ARHGAP42: variants seen among roughly 807,000 people sequenced by gnomAD.
The protein encoded by ARHGAP42 is Rho GTPase activating protein 42, also known as rho GTPase-activating protein 42.
ARHGAP42 carries 63 observed loss-of-function variants against 125.0 expected under a neutral mutation model. That is an observed-to-expected ratio of 0.50 (90% CI 0.41 to 0.62). The LOEUF is 0.62. ARHGAP42 is among the 20% of genes least tolerant of loss of function. The pLI is 0.00. For missense variants in ARHGAP42, 766 were observed against 1,024.2 expected (o/e 0.75, Z 3.44); for synonymous variants, 339 against 351.0 (o/e 0.97, Z 0.38).
In ARHGAP42 at chr11:100,912,332, C is replaced by A. The variant is rs558022333; in HGVS notation, c.385-1120C>A. On this transcript the variant is annotated intron_variant, in intron 4 of 23. Coordinates refer to ENST00000298815, the MANE Select transcript of ARHGAP42 (RefSeq NM_152432.4). The stretch of plus-strand genomic sequence containing the variant: ...TATTCATTGATTATTTTTAAGTAAC[C>A]TTTTCTAGGTATTTATGCAAGTAAT... Among the ~76,000 whole-genome samples the A allele has an allele frequency of 2.6e-5, 4 of 152,106 alleles. No individual in the cohort carries two copies. The East Asian group carries it at 7.7e-4, about 29-fold the overall frequency.
chr11:100,832,724 A>C (rs2135096632), intron 3 of ARHGAP42, among the ~76,000 whole-genome samples: 1 of 152,224 alleles, frequency 6.6e-6, no homozygotes, highest in Non-Finnish European at 1.5e-5. Flanking sequence ...TCTCCCTCCT[A>C]AGTTACTGCT....
intron 4 of ARHGAP42, among the ~76,000 whole-genome samples, chr11:100,906,611 G>A (rs1854576603): frequency 6.6e-6 from 1 of 151,770 alleles, no homozygotes; most frequent in Non-Finnish European, 1.5e-5. Context: ...AAATATTCCT[G>A]AAATTTTTTT....
chr11:100,980,342 A>G (rs1858499988), intron 22 of ARHGAP42, among the ~76,000 whole-genome samples: 2 of 152,138 alleles, frequency 1.3e-5, no homozygotes, highest in South Asian at 4.1e-4. Flanking sequence ...TTCTTCTGCC[A>G]TGCTACGTAG....
intron 6 of ARHGAP42, among the ~76,000 whole-genome samples, chr11:100,932,374 CTG>C (rs1218450193): frequency 1.3e-5 from 2 of 152,118 alleles, no homozygotes; most frequent in Non-Finnish European, 2.9e-5. Context: ...GGAGACAAGT[CTG>C]TGAAATAAAA....
chr11:100,921,569 G>A lies in ARHGAP42; in HGVS notation c.562G>A (p.Val188Ile). The A allele has an allele frequency of 6.5e-7, 1 of 1,541,656 alleles. No individual in the cohort carries two copies. Among genetic ancestry groups the A allele is most frequent in the Non-Finnish European group, 8.8e-7 (1 of 1,142,532 alleles). The part of the protein sequence containing the change: ...SLEYVFKIQE[V>I]QEKKKFEFVE... ...AGAATATGTCTTTAAAATTCAAGAG[G>A]TCCAAGAAAAAAAGAAGTTTGAATT... The change falls in exon 6 of 24, where the codon GTC (valine) becomes ATC (isoleucine). Residue 188 changes from valine (V) to isoleucine (I), a missense_variant. Physicochemically the swap from Val to Ile is conservative, Grantham distance 29 (BLOSUM62 3). Coordinates refer to ENST00000298815, the MANE Select transcript of ARHGAP42 (RefSeq NM_152432.4).
At chr11:100,782,156 G>A (rs1863330607) in intron 2 of ARHGAP42, among the ~76,000 whole-genome samples, 1 of 152,102 alleles carries the variant, frequency 6.6e-6, no homozygotes, top group African/African-American at 2.4e-5. Flanking sequence ...TATTATAGAA[G>A]ACTTTGCTAT....
intron 1 of ARHGAP42, among the ~76,000 whole-genome samples, chr11:100,748,724 G>C (rs1370365167): frequency 6.6e-6 from 1 of 152,220 alleles, no homozygotes; most frequent in Admixed American, 6.5e-5. Flanking sequence ...ACTGGGTTAA[G>C]GATTTTTGAT....
chr11:100,904,999 G>A (rs1050329614), intron 4 of ARHGAP42, among the ~76,000 whole-genome samples: 2 of 152,156 alleles, frequency 1.3e-5, no homozygotes, highest in Non-Finnish European at 2.9e-5. Flanking sequence ...TCAAGTTAAT[G>A]AATGAATTAA....
At chr11:100,908,548 A>G (rs932106616) in intron 4 of ARHGAP42, among the ~76,000 whole-genome samples, 1 of 152,154 alleles carries the variant, frequency 6.6e-6, no homozygotes, top group African/African-American at 2.4e-5. Flanking sequence ...AGTTCCATCT[A>G]TGTTGCTGTA....
rs763302463 is a variant in ARHGAP42, at chr11:100,980,559, CTTTTTTTTTTTTT to C, written c.2456+1528_2456+1540del. On this transcript the variant is annotated intron_variant, in intron 22 of 23. Transcript: ENST00000298815. Reference sequence around the variant, plus strand: ...TCAAATCATACTTCTTTTTCTTCTTCTTTTTTTTTTTTTTTTTTTTTTTTTTTTTTGAGAAAGA... The same window carrying C: ...TCAAATCATACTTCTTTTTCTTCTTCTTTTTTTTTTTTTTTTTGAGAAAGA... Among the ~76,000 whole-genome samples the C allele has an allele frequency of 5.6e-4, 29 of 51,954 alleles. 1 individual carries two copies. Among genetic ancestry groups the C allele is most frequent in the South Asian group, 4.4e-3 (4 of 904 alleles). 34.1% of individuals were successfully genotyped at this position (51,954 alleles called of 152,430 possible).
intron 4 of ARHGAP42, among the ~76,000 whole-genome samples, chr11:100,895,422 A>G (rs1163819504): frequency 2.0e-5 from 3 of 151,784 alleles, no homozygotes; most frequent in African/African-American, 7.3e-5. Context: ...CTGATTATGG[A>G]AATTGGGCCT....
At chr11:100,809,684 CTG>C (rs1864089801) in intron 3 of ARHGAP42, among the ~76,000 whole-genome samples, 2 of 152,128 alleles carry the variant, frequency 1.3e-5, no homozygotes, top group South Asian at 4.1e-4. Flanking sequence ...GCTGGGTGTG[CTG>C]TGTTACTCCT....
At chr11:100,715,614 T>C (rs1861647087) in intron 1 of ARHGAP42, among the ~76,000 whole-genome samples, 1 of 152,206 alleles carries the variant, frequency 6.6e-6, no homozygotes, top group African/African-American at 2.4e-5. Flanking sequence ...ACTGAGCTTG[T>C]GTAAAAACCT....
At chr11:100,825,349 A>G (rs1864489243) in intron 3 of ARHGAP42, among the ~76,000 whole-genome samples, 1 of 152,222 alleles carries the variant, frequency 6.6e-6, no homozygotes, top group Admixed American at 6.5e-5. Flanking sequence ...ATTTAATAAT[A>G]TAAACAGTTC....
chr11:100,987,664 G>C, intron 23 of ARHGAP42, 72 bp downstream of exon 23: 1 of 1,384,302 alleles, frequency 7.2e-7, no homozygotes, highest in Admixed American at 2.0e-5. Flanking sequence ...GGTGGTATGA[G>C]TCTAAAGTAG....
In ARHGAP42 at chr11:100,973,160, G is replaced by T. The variant is rs1364438652; in HGVS notation, c.1551-15G>T. 1.3e-6 allele frequency: 2 copies of T among 1,493,020 alleles called. No homozygotes were observed. Among genetic ancestry groups the T allele is most frequent in the Non-Finnish European group, 1.8e-6 (2 of 1,118,550 alleles). 92.5% of individuals were successfully genotyped at this position (1,493,020 alleles called of 1,614,324 possible). A position where few individuals can be genotyped will look rare whatever the true frequency, so the allele number is the denominator to read the frequency against. On this transcript the variant is annotated splice_polypyrimidine_tract_variant and intron_variant, in intron 17 of 23. Coordinates refer to ENST00000298815, the MANE Select transcript of ARHGAP42 (RefSeq NM_152432.4). ...ACATATAACTTAAGATATTTTTGTTGCTTTTTATTTGCAGAGTATCACTAC... is the reference window on the plus strand; with the variant it reads ...ACATATAACTTAAGATATTTTTGTTTCTTTTTATTTGCAGAGTATCACTAC...
At chr11:100,740,243 C>A (rs1357976098) in intron 1 of ARHGAP42, among the ~76,000 whole-genome samples, 1 of 152,026 alleles carries the variant, frequency 6.6e-6, no homozygotes, top group Non-Finnish European at 1.5e-5. Context: ...AAGACCTGGT[C>A]ATGCTATGGC....
intron 7 of ARHGAP42, among the ~76,000 whole-genome samples, chr11:100,935,189 A>T (rs1026313725): frequency 6.6e-6 from 1 of 151,884 alleles, no homozygotes; most frequent in African/African-American, 2.4e-5. Flanking sequence ...GGTAGTGATT[A>T]TTGTATCTTC....
rs115376057 is a variant in ARHGAP42 at position 100,986,133 on chromosome 11, G to T, written c.2457-1380G>T. 5.6e-3 allele frequency: 2,559 copies of T among 454,816 alleles called. 56 individuals are homozygous for T. The highest frequency in any genetic ancestry group is 0.047 in the African/African-American group (2,359 of 49,998). The allele number at this position is 454,816 out of a possible 1,614,324, so 28.2% of individuals were successfully genotyped here. On this transcript the variant is annotated intron_variant, in intron 22 of 23. Transcript: ENST00000298815. ...ACATCGTTCGTGGAGATTTTATTGT[G>T]TCTAGGGGAGAAGATAAAAATATCA...
Sources: allele counts gnomAD v4.1 joint callset (sites outside exome capture counted in the v4.1 genomes callset), GRCh38; gene constraint gnomAD v4.1.1; transcripts MANE v1.5; gene names NCBI Gene and HGNC (gene_info 2026-07-23, HGNC 2026-07-21).